LRRC4C: variants seen among roughly 807,000 people sequenced by gnomAD.
LRRC4C encodes leucine-rich repeat-containing protein 4C.
A neutral mutation model predicts 33.6 loss-of-function variants in LRRC4C; 5 were observed. The ratio of observed to expected loss-of-function variants is 0.15; its 90% CI spans 0.08 to 0.31. The LOEUF (loss-of-function observed/expected upper bound fraction) is 0.31, where lower values mean the gene tolerates loss of function less well. LRRC4C is among the 10% of genes least tolerant of loss of function. The probability of loss-of-function intolerance (pLI) is 1.00; values close to 1 mark genes in which losing one functional copy is unlikely to be tolerated. For missense variants in LRRC4C, 560 were observed against 796.7 expected, an observed-to-expected ratio of 0.70 and a Z score of 3.58; for synonymous variants, 329 against 302.0, an observed-to-expected ratio of 1.09 and a Z score of -0.93.
intron 1 of LRRC4C, among the ~76,000 whole-genome samples, chr11:41,325,577 T>TTTTTG (rs202169756): frequency 2.5e-4 from 26 of 104,160 alleles, no homozygotes; most frequent in Admixed American, 9.3e-4. Flanking sequence ...TTTTTTTTTT[T>TTTTTG]TGTGTGTGTG....
intron 2 of LRRC4C, among the ~76,000 whole-genome samples, chr11:40,854,281 C>T (rs1409043205): frequency 1.3e-5 from 2 of 152,142 alleles, no homozygotes; most frequent in Admixed American, 6.5e-5. Flanking sequence ...CCATCACTCT[C>T]GATTCTTGTA....
chr11:40,260,391 C>T (rs1259321785), intron 4 of LRRC4C, among the ~76,000 whole-genome samples: 1 of 142,632 alleles, frequency 7.0e-6, no homozygotes, highest in African/African-American at 2.6e-5. Context: ...ACCTCACACT[C>T]TGGAGACTGT....
At chr11:40,574,003 G>A (rs77398604) in intron 3 of LRRC4C, among the ~76,000 whole-genome samples, 11,684 of 152,104 alleles carry the variant, frequency 0.077, 524 homozygotes, top group South Asian at 0.14. Context: ...ATTTGATTAC[G>A]GTGTTAAAGT....
intron 3 of LRRC4C, among the ~76,000 whole-genome samples, chr11:40,563,296 G>A (rs1591116713): frequency 2.6e-5 from 4 of 152,250 alleles, no homozygotes; most frequent in Middle Eastern, 3.4e-3. Flanking sequence ...GGGCAAGGAG[G>A]GTGCCTGGCC....
At chr11:41,099,042 G>C (rs1317510877) in intron 1 of LRRC4C, among the ~76,000 whole-genome samples, 1 of 152,080 alleles carries the variant, frequency 6.6e-6, no homozygotes, top group African/African-American at 2.4e-5. Flanking sequence ...AACAATCAGA[G>C]ACTGTGATGA....
At chr11:40,531,245 G>C (rs1415076558) in intron 3 of LRRC4C, among the ~76,000 whole-genome samples, 2 of 152,034 alleles carry the variant, frequency 1.3e-5, no homozygotes, top group Non-Finnish European at 2.9e-5. Context: ...TATCAACATT[G>C]GGTAGGCTAT....
At chr11:40,204,805 A>AT (rs1351073161) in intron 5 of LRRC4C, among the ~76,000 whole-genome samples, 1 of 152,170 alleles carries the variant, frequency 6.6e-6, no homozygotes, top group East Asian at 1.9e-4. Flanking sequence ...CCCTATTGCA[A>AT]TATCCTTGAA....
chr11:40,769,039 A>G (rs545089465), intron 2 of LRRC4C, among the ~76,000 whole-genome samples: 1 of 152,262 alleles, frequency 6.6e-6, no homozygotes, highest in East Asian at 1.9e-4. Flanking sequence ...GAAGAAGTCA[A>G]ATTATCGTTG....
At chr11:40,572,375 A>G (rs1958017771) in intron 3 of LRRC4C, among the ~76,000 whole-genome samples, 1 of 152,188 alleles carries the variant, frequency 6.6e-6, no homozygotes, top group Non-Finnish European at 1.5e-5. Flanking sequence ...ATCAGCAAGC[A>G]TCAGAGAGAT....
chr11:40,740,494 G>T (rs568707638), intron 2 of LRRC4C, among the ~76,000 whole-genome samples: 3 of 151,768 alleles, frequency 2.0e-5, no homozygotes, highest in South Asian at 2.1e-4. Context: ...AAGTCAAGTT[G>T]TTTTCTTACT....
intron 1 of LRRC4C, among the ~76,000 whole-genome samples, chr11:41,113,903 C>T (rs1228496593): frequency 1.3e-5 from 2 of 151,902 alleles, no homozygotes; most frequent in East Asian, 3.9e-4. Flanking sequence ...CTCCAAAATA[C>T]ATAAATATTA....
chr11:41,387,929 T>G (rs1042762692), intron 1 of LRRC4C, among the ~76,000 whole-genome samples: 1 of 151,848 alleles, frequency 6.6e-6, no homozygotes, highest in Non-Finnish European at 1.5e-5. Flanking sequence ...ATTTAGTTCA[T>G]TCTCACAATC....
chr11:40,477,505 G>A (rs143021812), intron 3 of LRRC4C, among the ~76,000 whole-genome samples: 216 of 151,802 alleles, frequency 1.4e-3, no homozygotes, highest in African/African-American at 4.9e-3. Flanking sequence ...AGAATAATAC[G>A]ATTATTTTCA....
intron 5 of LRRC4C, among the ~76,000 whole-genome samples, chr11:40,232,943 C>G (rs1272088773): frequency 6.6e-6 from 1 of 152,206 alleles, no homozygotes; most frequent in African/African-American, 2.4e-5. Context: ...TTTCCGTTGG[C>G]TTGCCATTTT....
intron 3 of LRRC4C, among the ~76,000 whole-genome samples, chr11:40,376,201 C>G (rs1404216320): frequency 6.6e-6 from 1 of 152,098 alleles, no homozygotes; most frequent in East Asian, 1.9e-4. Context: ...ATTCAAAACA[C>G]CATTATTAAA....
intron 1 of LRRC4C, among the ~76,000 whole-genome samples, chr11:41,153,601 A>G (rs1376481184): frequency 6.6e-6 from 1 of 152,220 alleles, no homozygotes; most frequent in Admixed American, 6.5e-5. Context: ...GTGTTTAACT[A>G]GCTCACCATC....
chr11:40,926,296 A>G (rs1957404697), intron 2 of LRRC4C, among the ~76,000 whole-genome samples: 1 of 152,144 alleles, frequency 6.6e-6, no homozygotes, highest in African/African-American at 2.4e-5. Flanking sequence ...CCTCCTCCCT[A>G]ATTTGTGCTC....
rs75257467 is a variant in LRRC4C, at chr11:40,378,823, A to G, written c.-269-59102T>C. ...TGTTTATAGATCCTCTGCTATACTT[A>G]GTTTAGTGGAATTCAAGAAAAGACT... On this transcript the variant is annotated intron_variant, in intron 3 of 6. Transcript: ENST00000528697. 7.5e-3 allele frequency among the ~76,000 whole-genome samples: 1,146 copies of G among 152,258 alleles called. 12 individuals carry two copies. Among genetic ancestry groups the G allele is most frequent in the African/African-American group, 0.025 (1,058 of 41,560 alleles).
rs1963707279 is a variant in LRRC4C, at chr11:40,633,597, C to T, written c.-270+14545G>A. ...AGAGACAGGGTTTCACCATATTGGC[C>T]AGGCTGGTCTCGAACTCCTGACCTC... On this transcript the variant is annotated intron_variant, in intron 3 of 6. Coordinates refer to ENST00000528697, the MANE Select transcript of LRRC4C (RefSeq NM_001258419.2). Among the ~76,000 whole-genome samples the T allele has an allele frequency of 2.6e-5, 4 of 151,910 alleles. No individual in the cohort carries two copies. The South Asian group carries it at 8.3e-4, about 32-fold the overall frequency.
Sources: allele counts gnomAD v4.1 joint callset (sites outside exome capture counted in the v4.1 genomes callset), GRCh38; gene constraint gnomAD v4.1.1; transcripts MANE v1.5; gene names NCBI Gene and HGNC (gene_info 2026-07-23, HGNC 2026-07-21).